KIF15: variants seen among roughly 807,000 people sequenced by gnomAD.
KIF15 encodes the protein kinesin-like protein KIF15.
In KIF15, 140 loss-of-function variants were observed where a neutral mutation model predicts 190.6. The observed-to-expected ratio is 0.73, with a 90% CI of 0.64 to 0.84. The LOEUF (loss-of-function observed/expected upper bound fraction) is 0.84, where lower values mean the gene tolerates loss of function less well. Among genes scored for constraint, KIF15 ranks in the 40% least tolerant of loss-of-function variants. The pLI is 0.00. For synonymous variants in KIF15, 528 were observed against 551.3 expected, an observed-to-expected ratio of 0.96 and a Z score of 0.59; for missense variants, 1,372 against 1,584.4, an observed-to-expected ratio of 0.87 and a Z score of 2.28.
intron 25 of KIF15, among the ~76,000 whole-genome samples, chr3:44,830,616 T>C (rs1227495357): frequency 6.6e-6 from 1 of 152,228 alleles, no homozygotes; most frequent in Non-Finnish European, 1.5e-5. Flanking sequence ...TTGTCACTCC[T>C]CCTCACTCCT....
At chr3:44,863,394 ATCT>A (rs1015352807) in intron 6 of KIF15, 9 of 147,124 alleles carry the variant, frequency 6.1e-5, no homozygotes, top group South Asian at 4.3e-4. Flanking sequence ...GCTTCTAAAG[ATCT>A]TCTCTTCTCT....
At chr3:44,829,793 C>T (rs550603509) in intron 24 of KIF15, among the ~76,000 whole-genome samples, 178 bp from the exon 25 acceptor site, 2,341 of 138,582 alleles carry the variant, frequency 0.017, 60 homozygotes, top group African/African-American at 0.06. Flanking sequence ...ATAATATATG[C>T]ATATATAATA....
downstream of KIF15, among the ~76,000 whole-genome samples, chr3:44,857,778 C>T (rs1260564406): frequency 6.6e-6 from 1 of 152,226 alleles, no homozygotes; most frequent in African/African-American, 2.4e-5. Context: ...CAGACATGAT[C>T]GGCAGAGAGA....
Position 44,780,817 on chromosome 3 carries a change from G to GTCT in KIF15, c.324-67_324-66insCTT, listed in dbSNP as rs1706126528. The GTCT allele has an allele frequency of 1.3e-5, 13 of 1,015,362 alleles. No individual in the cohort carries two copies. The South Asian group carries it at 1.4e-4, about 11-fold the overall frequency. The allele number at this position is 1,015,362 out of a possible 1,614,324, so 62.9% of individuals were successfully genotyped here. Reference sequence around the variant, plus strand: ...TTTTGTGGAGAAAACTTATACACTAGTATTATAATAGGAGGAGTAGTCTTT... The same window carrying GTCT: ...TTTTGTGGAGAAAACTTATACACTAGTCTTATTATAATAGGAGGAGTAGTCTTT... On this transcript the variant is annotated intron_variant, in intron 4 of 34. Coordinates refer to ENST00000326047, the MANE Select transcript of KIF15 (RefSeq NM_020242.3).
chr3:44,788,167 T>A (rs1416205969), intron 7 of KIF15, among the ~76,000 whole-genome samples: 2 of 152,232 alleles, frequency 1.3e-5, no homozygotes, highest in African/African-American at 2.4e-5. Context: ...ATCTCTTTTT[T>A]AAATTACATT....
At chr3:44,771,671 A>G (rs775545121) in intron 1 of KIF15, among the ~76,000 whole-genome samples, 83 of 152,270 alleles carry the variant, frequency 5.5e-4, no homozygotes, top group Admixed American at 4.6e-4. Context: ...CAGAAATTTT[A>G]AAAAGCAAAA....
rs376581114 is a variant in KIF15, at chr3:44,778,096, T to A, written c.247-19T>A. On this transcript the variant is annotated intron_variant, in intron 3 of 34. Coordinates refer to ENST00000326047, the MANE Select transcript of KIF15 (RefSeq NM_020242.3). The stretch of plus-strand genomic sequence containing the variant: ...TTTTCATTTTTATGATATGTTAACA[T>A]GTTTGGTTACATTTGTAGGAATCTG... 1.2e-6 allele frequency: 2 copies of A among 1,600,838 alleles called. No homozygotes were observed. Among genetic ancestry groups the A allele is most frequent in the Non-Finnish European group, 1.7e-6 (2 of 1,167,920 alleles).
intron 20 of KIF15, among the ~76,000 whole-genome samples, chr3:44,819,698 G>A (rs780965304): frequency 7.2e-5 from 11 of 152,148 alleles, no homozygotes; most frequent in Non-Finnish European, 1.5e-4. Flanking sequence ...GTGCGATGTG[G>A]TGCTGAGAAG....
At position 44,775,297 on chromosome 3, in the gene KIF15, C is replaced by T; in HGVS notation, c.106C>T (p.Pro36Ser). ...AIKVFVRIRP[P>S]AERSGSADGE... ...CAAAGTTTTTGTGCGAATTCGTCCTCCTGCAGAAAGATCTGGGTCAGCTGA... is the reference window on the plus strand; with the variant it reads ...CAAAGTTTTTGTGCGAATTCGTCCTTCTGCAGAAAGATCTGGGTCAGCTGA... The change falls in exon 3 of 35, where the codon CCT (proline) becomes TCT (serine). Residue 36 changes from proline (P) to serine (S), a missense_variant. Transcript: ENST00000326047. 1.2e-6 allele frequency: 2 copies of T among 1,613,942 alleles called. No homozygotes were observed. Among genetic ancestry groups the T allele is most frequent in the Non-Finnish European group, 8.5e-7 (1 of 1,179,972 alleles).
intron 16 of KIF15, among the ~76,000 whole-genome samples, chr3:44,806,946 A>G (rs2125648341): frequency 6.6e-6 from 1 of 151,906 alleles, no homozygotes; most frequent in East Asian, 1.9e-4. Context: ...GGGTTTCGCC[A>G]TGTTGGCCAG....
intron 1 of KIF15, among the ~76,000 whole-genome samples, chr3:44,764,596 T>C (rs1410523117): frequency 1.3e-5 from 2 of 152,198 alleles, no homozygotes; most frequent in Non-Finnish European, 2.9e-5. Context: ...ATAGAGGACC[T>C]CAAAGTTGAA....
rs1699265482 is a variant in KIF15, at chr3:44,862,266, G to T, written c.*59+9472G>T. The T allele has an allele frequency of 1.2e-5, 6 of 489,574 alleles. No homozygotes were observed. In the South Asian group the frequency reaches 4.3e-4, roughly 35 times the overall value. The allele number at this position is 489,574 out of a possible 1,614,324, so 30.3% of individuals were successfully genotyped here. A position where few individuals can be genotyped will look rare whatever the true frequency, so the allele number is the denominator to read the frequency against. ...CGCCGCACCCTCGCCGGTCTGTCCC[G>T]CCGGGGCCCCGGGCCGCGGGCGGCG... is the stretch of plus-strand genomic sequence containing the variant. On this transcript the variant is annotated intron_variant and NMD_transcript_variant, in intron 6 of 6. Coordinates refer to the KIF15 transcript ENST00000422209.
intron 14 of KIF15, 97 bp downstream of exon 14, chr3:44,803,088 C>T (rs1707351959): frequency 5.8e-6 from 6 of 1,028,058 alleles, no homozygotes; most frequent in Non-Finnish European, 8.4e-6. Context: ...TTTTAGCCTC[C>T]AGGCCTGCTA....
intron 4 of KIF15, 42 bp from the exon 5 acceptor site, chr3:44,780,843 T>C: frequency 7.1e-7 from 1 of 1,405,314 alleles, no homozygotes; most frequent in South Asian, 1.3e-5. Context: ...AGTAGTCTTT[T>C]AATTTTATGT....
intron 8 of KIF15, among the ~76,000 whole-genome samples, chr3:44,796,006 C>T (rs1472889033): frequency 2.0e-5 from 3 of 152,036 alleles, no homozygotes; most frequent in East Asian, 3.9e-4. Context: ...AGATTACAGG[C>T]GCCCACCACC....
intron 6 of KIF15, among the ~76,000 whole-genome samples, chr3:44,866,299 C>T (rs939562293): frequency 1.3e-5 from 2 of 152,120 alleles, no homozygotes; most frequent in African/African-American, 4.8e-5. Flanking sequence ...GTCTCGATCT[C>T]CTGACCTCGT....
chr3:44,805,819 A>G (rs763826607), intron 15 of KIF15, 26 bp from the exon 16 acceptor site: 2 of 1,600,644 alleles, frequency 1.2e-6, no homozygotes, highest in Non-Finnish European at 1.7e-6. Context: ...ATTACCTGAA[A>G]TACTCCGTTT....
intron 20 of KIF15, 100 bp downstream of exon 20, chr3:44,815,176 A>G (rs1243117653): frequency 9.4e-7 from 1 of 1,065,916 alleles, no homozygotes; most frequent in Non-Finnish European, 1.3e-6. Context: ...GCAGTTAGAC[A>G]AATAAAAAAG....
chr3:44,780,053 T>C (rs1318701836), intron 4 of KIF15, among the ~76,000 whole-genome samples: 2 of 149,140 alleles, frequency 1.3e-5, no homozygotes, highest in East Asian at 2.0e-4. Flanking sequence ...TTGATTAACA[T>C]CTTTAAAATA....
Sources: allele counts gnomAD v4.1 joint callset (sites outside exome capture counted in the v4.1 genomes callset), GRCh38; gene constraint gnomAD v4.1.1; transcripts MANE v1.5; gene names NCBI Gene and HGNC (gene_info 2026-07-23, HGNC 2026-07-21).